Variants in THBS4 observed in about 807,000 individuals in gnomAD.
THBS4 encodes thrombospondin 4.
A neutral mutation model predicts 115.7 loss-of-function variants in THBS4; 90 were observed. The ratio of observed to expected loss-of-function variants is 0.78; its 90% confidence interval spans 0.66 to 0.93. THBS4 has a LOEUF of 0.93. Ranked by LOEUF, THBS4 falls within the 40% of genes least tolerant of loss-of-function variation. The pLI is 0.00. For synonymous variants in THBS4, 460 were observed against 479.3 expected (o/e 0.96, Z 0.53); for missense variants, 1,087 against 1,232.7 (o/e 0.88, Z 1.77).
rs1743408949 is a variant in THBS4, at chr5:80,080,009, T to G, written c.2616T>G (p.Asn872Lys). Residue 872 changes from asparagine to lysine, a missense_variant, in exon 20 of 22, where the codon AAT becomes AAG. By Grantham distance (94) the Asn-to-Lys change is moderately conservative. Around this residue, in one of 3 missense-constraint regions of THBS4, gnomAD observed 5 missense variants for 20.8 expected, o/e 0.24. Transcript: ENST00000350881. ...QVRLLWKDSR[N>K]VGWKDKVSYR... ...GGCTGCTGTGGAAGGACTCCAGGAATGTGGGCTGGAAGGACAAGGTGTCCT... is the reference window on the plus strand; with the variant it reads ...GGCTGCTGTGGAAGGACTCCAGGAAGGTGGGCTGGAAGGACAAGGTGTCCT... 6.2e-7 allele frequency: 1 copy of G among 1,613,898 alleles called. No individual in the cohort carries two copies. Among genetic ancestry groups the G allele is most frequent in the Admixed American group, 1.7e-5 (1 of 59,984 alleles).
At chr5:80,070,786 C>A (rs148550817) in intron 12 of THBS4, 36 bp downstream of exon 12, 1 of 1,601,906 alleles carries the variant, frequency 6.2e-7, no homozygotes, top group African/African-American at 1.3e-5. Flanking sequence ...TGAATTGCCA[C>A]GTACCAGGGA....
Position 80,078,969 on chromosome 5 carries a change from G to A in THBS4, c.2314G>A (p.Gly772Arg). 1 of 1,614,070 alleles carries A rather than the reference G, an allele frequency of 6.2e-7. No individual in the cohort carries two copies. Among genetic ancestry groups the A allele is most frequent in the Non-Finnish European group, 8.5e-7 (1 of 1,179,976 alleles). Reference protein sequence around the residue: ...TMNSDPGLAVGYTAFNGVDFE... With the variant: ...TMNSDPGLAVRYTAFNGVDFE... ...GAACAGTGATCCTGGCCTGGCAGTG[G>A]GTATGTCCAGGGCCTCAGTTGCCAC... is the stretch of plus-strand genomic sequence containing the variant. The change falls in exon 18 of 22, where the codon GGG becomes AGG. Residue 772 changes from glycine to arginine, a missense_variant and splice_region_variant. Physicochemically the swap from Gly to Arg is moderately radical, Grantham distance 125 (BLOSUM62 -2). This residue lies in a region of THBS4 where 979 missense variants were observed against 1,103.7 expected (regional missense o/e 0.89). Coordinates refer to ENST00000350881, the MANE Select transcript of THBS4 (RefSeq NM_003248.6).
chr5:80,017,020 T>G (rs1259073965), intron 2 of THBS4, among the ~76,000 whole-genome samples: 1 of 152,154 alleles, frequency 6.6e-6, no homozygotes, highest in African/African-American at 2.4e-5. Context: ...AGACAGATGA[T>G]AAGAACACAA....
At position 80,039,629 on chromosome 5, in the gene THBS4, C is replaced by T. The variant is rs1219033689; in HGVS notation, c.89-448C>T. Among the ~76,000 whole-genome samples, 3 of 152,182 alleles carry T rather than the reference C, an allele frequency of 2.0e-5. No homozygotes were observed. The East Asian group carries it at 5.8e-4, about 29-fold the overall frequency. On this transcript the variant is annotated intron_variant, in intron 1 of 21. Coordinates refer to ENST00000350881, the MANE Select transcript of THBS4 (RefSeq NM_003248.6). ...TGCATTTCCTGTCATTTGTCACTGA[C>T]CAGGAAAACACAATTGGCTCTGGTC...
In THBS4 at chr5:80,067,936, A is replaced by C. The variant is rs145786338; in HGVS notation, c.1195-37A>C. On this transcript the variant is annotated intron_variant, in intron 9 of 21. Transcript: ENST00000350881. Reference sequence around the variant, plus strand: ...TTGCTCAAACTGTACCTTTGCCCACAGCTTTCAGCTCATCACCTGATCTTT... The same window carrying C: ...TTGCTCAAACTGTACCTTTGCCCACCGCTTTCAGCTCATCACCTGATCTTT... 2,932 of 1,606,450 alleles carry C rather than the reference A, an allele frequency of 1.8e-3. 15 individuals are homozygous for C. Among genetic ancestry groups the C allele is most frequent in the Admixed American group, 0.016 (910 of 58,386 alleles).
intron 2 of THBS4, among the ~76,000 whole-genome samples, chr5:80,046,306 A>T (rs1336448835): frequency 1.3e-5 from 2 of 152,272 alleles, no homozygotes; most frequent in Non-Finnish European, 2.9e-5. Flanking sequence ...GAGATTAACT[A>T]TTCAGGAGCA....
intron 2 of THBS4, among the ~76,000 whole-genome samples, chr5:80,006,105 C>T (rs1016174788): frequency 6.6e-6 from 1 of 152,100 alleles, no homozygotes; most frequent in Non-Finnish European, 1.5e-5. Context: ...TTATAGTTTT[C>T]CTGAAAAGTA....
intron 2 of THBS4, among the ~76,000 whole-genome samples, chr5:80,041,073 C>T (rs894337277): frequency 2.0e-5 from 3 of 152,208 alleles, no homozygotes; most frequent in African/African-American, 7.2e-5. Flanking sequence ...GGCCCTACCT[C>T]CCAACACCGC....
chr5:80,059,558 G>T, intron 6 of THBS4, 67 bp downstream of exon 6: 1 of 1,599,994 alleles, frequency 6.3e-7, no homozygotes. Context: ...GGCTTGCGGT[G>T]AGGCTGTGTT....
At chr5:80,047,529 T>A (rs1833107136) in intron 2 of THBS4, among the ~76,000 whole-genome samples, 1 of 152,110 alleles carries the variant, frequency 6.6e-6, no homozygotes. Context: ...AAAAAAGGGC[T>A]AGGTGCCGTG....
rs755477218 is a variant in THBS4, at chr5:80,082,388, C to G, written c.2685-18C>G. ...GGGTTGGATTTCATGGAGGCCCCTC[C>G]GGCCGTGTTGTCCGCAGGGTACGAT... is the stretch of plus-strand genomic sequence containing the variant. On this transcript the variant is annotated intron_variant, in intron 20 of 21. Coordinates refer to ENST00000350881, the MANE Select transcript of THBS4 (RefSeq NM_003248.6). 120 of 1,612,348 alleles carry G rather than the reference C, an allele frequency of 7.4e-5. No individual in the cohort carries two copies. The African/African-American group carries it at 1.3e-3, about 18-fold the overall frequency.
chr5:80,029,863 G>A (rs1026109530), intron 2 of THBS4, among the ~76,000 whole-genome samples: 3 of 151,936 alleles, frequency 2.0e-5, no homozygotes, highest in Non-Finnish European at 2.9e-5. Flanking sequence ...CCAGCTACTC[G>A]GGAGGCTGAG....
intron 1 of THBS4, among the ~76,000 whole-genome samples, chr5:79,992,548 G>A (rs1831704437): frequency 6.6e-6 from 1 of 152,214 alleles, no homozygotes; most frequent in Non-Finnish European, 1.5e-5. Context: ...TGTCAGAAAT[G>A]AGAATTCATT....
intron 2 of THBS4, chr5:80,020,037 A>G (rs1832331798): frequency 6.5e-6 from 1 of 153,212 alleles, no homozygotes; most frequent in African/African-American, 2.4e-5. Context: ...TGTCTTTGCC[A>G]TTTGCTGTTC....
chr5:80,049,536 T>C (rs1282790915), intron 2 of THBS4, among the ~76,000 whole-genome samples: 1 of 152,208 alleles, frequency 6.6e-6, no homozygotes, highest in Non-Finnish European at 1.5e-5. Context: ...AGGGAAAGGA[T>C]TTATATAACC....
intron 1 of THBS4, among the ~76,000 whole-genome samples, chr5:79,992,964 A>G (rs1831716842): frequency 6.6e-6 from 1 of 152,258 alleles, no homozygotes; most frequent in African/African-American, 2.4e-5. Context: ...GCAGGGGGAA[A>G]GAAAATCCTA....
chr5:79,991,341 G>A (rs545482209), exon 1 of THBS4: 37 of 1,074,876 alleles, frequency 3.4e-5, no homozygotes, highest in Admixed American at 1.5e-4. Flanking sequence ...TAATTTGGGG[G>A]CTCTTGAGAG....
At chr5:80,041,065 C>G (rs578078924) in intron 2 of THBS4, among the ~76,000 whole-genome samples, 4 of 152,322 alleles carry the variant, frequency 2.6e-5, no homozygotes, top group Admixed American at 6.5e-5. Flanking sequence ...TCCCACAAGG[C>G]CCTACCTCCC....
upstream of THBS4, among the ~76,000 whole-genome samples, chr5:80,034,369 A>T (rs530711861): frequency 2.4e-4 from 37 of 152,314 alleles, no homozygotes; most frequent in Non-Finnish European, 3.5e-4. Flanking sequence ...GGCTTATTAA[A>T]CTTTGAAATG....
Sources: gnomAD v4.1 joint callset for allele counts (sites outside exome capture counted in the v4.1 genomes callset) on GRCh38, gnomAD v4.1.1 for gene constraint, gnomAD v4.1.1 regional missense constraint, MANE v1.5 for transcripts, NCBI Gene and HGNC (gene_info 2026-07-23, HGNC 2026-07-21) for gene names.